CSGALNACT1: variants seen among roughly 807,000 people sequenced by gnomAD.
CSGALNACT1 encodes the protein beta4GalNAcT-1.
CSGALNACT1 carries 52 observed loss-of-function variants against 51.0 expected under a neutral mutation model. That is an observed-to-expected ratio of 1.02 (90% CI 0.82 to 1.29). CSGALNACT1 has a LOEUF of 1.29. CSGALNACT1 is among the 50% of genes most tolerant of loss of function. The pLI is 0.00. For synonymous variants in CSGALNACT1, 341 were observed against 254.4 expected (o/e 1.34, Z -3.24); for missense variants, 935 against 679.2 (o/e 1.38, Z -4.19).
intron 3 of CSGALNACT1, among the ~76,000 whole-genome samples, chr8:19,541,552 A>AGTTTTTTTT (rs1277732721): frequency 1.4e-5 from 1 of 69,298 alleles, no homozygotes; most frequent in East Asian, 3.5e-4. Flanking sequence ...GTGCTCAGCC[A>AGTTTTTTTT]ATTTTTTTTT....
chr8:19,719,645 A>G (rs1011051952), intron 1 of CSGALNACT1, among the ~76,000 whole-genome samples: 7 of 152,184 alleles, frequency 4.6e-5, no homozygotes, highest in South Asian at 4.1e-4. Context: ...CTAGACCTTG[A>G]TCTTCCCCTC....
chr8:19,665,167 C>A (rs943806056), intron 1 of CSGALNACT1, among the ~76,000 whole-genome samples: 2 of 152,142 alleles, frequency 1.3e-5, no homozygotes, highest in Non-Finnish European at 2.9e-5. Flanking sequence ...GCATGTGCCA[C>A]CACGCTTGGC....
chr8:19,524,302 C>G (rs1226586857), intron 3 of CSGALNACT1, among the ~76,000 whole-genome samples: 1 of 152,110 alleles, frequency 6.6e-6, no homozygotes, highest in African/African-American at 2.4e-5. Context: ...AACACTGCCA[C>G]AGATCTAATT....
At chr8:19,668,073 C>CAG (rs765792382) in intron 1 of CSGALNACT1, among the ~76,000 whole-genome samples, 7 of 152,070 alleles carry the variant, frequency 4.6e-5, no homozygotes, top group Non-Finnish European at 8.8e-5. Context: ...TTAACTTTTC[C>CAG]AGAGAGAGAA....
Position 19,591,492 on chromosome 8 carries a change from T to C in CSGALNACT1, c.-415-214A>G, listed in dbSNP as rs1031366340. The stretch of plus-strand genomic sequence containing the variant: ...GGCGTTTATATTCATCCATCTTCAA[T>C]TTATTCAACTGAAGTCCAACCGTGT... On this transcript the variant is annotated intron_variant, in intron 2 of 9. Transcript: ENST00000454498. 2.0e-5 allele frequency among the ~76,000 whole-genome samples: 3 copies of C among 152,242 alleles called. No homozygotes were observed. In the South Asian group the frequency reaches 6.2e-4, roughly 31 times the overall value.
chr8:19,666,783 GAAAGAAAGAAAGAAAGAAAGAAAGAA>G (rs1338297671), intron 1 of CSGALNACT1, among the ~76,000 whole-genome samples: 322 of 14,660 alleles, frequency 0.022, 7 homozygotes, highest in African/African-American at 0.088. Context: ...AAGAAAGAAA[GAAAGAAAGAAAGAAAGAAAGAAAGAA>G]AGAGAGAGAG....
At chr8:19,540,837 T>C (rs2084928893) in intron 3 of CSGALNACT1, among the ~76,000 whole-genome samples, 1 of 152,090 alleles carries the variant, frequency 6.6e-6, no homozygotes, top group Non-Finnish European at 1.5e-5. Flanking sequence ...TCCCCATACA[T>C]CCTTCAGTAT....
chr8:19,434,229 A>T (rs773830878), intron 6 of CSGALNACT1, among the ~76,000 whole-genome samples: 1 of 152,190 alleles, frequency 6.6e-6, no homozygotes, highest in Non-Finnish European at 1.5e-5. Context: ...TTCTTCTTTT[A>T]AACAGTGCAT....
intron 1 of CSGALNACT1, among the ~76,000 whole-genome samples, chr8:19,709,888 C>T (rs538837910): frequency 6.6e-6 from 1 of 152,260 alleles, no homozygotes; most frequent in South Asian, 2.1e-4. Context: ...GAGTGCCTTC[C>T]ACTCCTAAAG....
At chr8:19,497,384 T>G (rs1230178318) in intron 4 of CSGALNACT1, among the ~76,000 whole-genome samples, 1 of 152,072 alleles carries the variant, frequency 6.6e-6, no homozygotes, top group Admixed American at 6.6e-5. Flanking sequence ...CAAAAGGGAT[T>G]TGAAGTCTGT....
intron 4 of CSGALNACT1, among the ~76,000 whole-genome samples, chr8:19,499,330 C>T (rs1029731753): frequency 1.1e-4 from 17 of 152,154 alleles, no homozygotes; most frequent in Admixed American, 2.0e-4. Context: ...ACCACCAGAC[C>T]GCAAAATTCT....
chr8:19,617,025 T>A (rs929091806), intron 1 of CSGALNACT1, among the ~76,000 whole-genome samples: 1 of 152,152 alleles, frequency 6.6e-6, no homozygotes, highest in Non-Finnish European at 1.5e-5. Flanking sequence ...CACCATAATG[T>A]TGAATTATTG....
At chr8:19,582,696 G>C (rs1369839356) in intron 3 of CSGALNACT1, among the ~76,000 whole-genome samples, 1 of 152,100 alleles carries the variant, frequency 6.6e-6, no homozygotes, top group Non-Finnish European at 1.5e-5. Flanking sequence ...AGATGCTACA[G>C]ACTTTTTTTT....
rs867643759 is a variant in CSGALNACT1, at chr8:19,666,793, A to G, written c.-544+15680T>C. 5.6e-3 allele frequency among the ~76,000 whole-genome samples: 199 copies of G among 35,564 alleles called. 2 individuals are homozygous for G. Among genetic ancestry groups the G allele is most frequent in the African/African-American group, 0.013 (72 of 5,454 alleles). The allele number at this position is 35,564 out of a possible 152,430, so 23.3% of individuals were successfully genotyped here. ...AAAGAAAGAAAGAAAGAAAGAAAGA[A>G]AGAAAGAAAGAAAGAAAGAGAGAGA... On this transcript the variant is annotated intron_variant, in intron 1 of 9. Transcript: ENST00000332246.
chr8:19,493,871 TACACACAC>T (rs57708862), intron 4 of CSGALNACT1, among the ~76,000 whole-genome samples: 2,937 of 149,056 alleles, frequency 0.02, 94 homozygotes, highest in African/African-American at 0.067. Flanking sequence ...TGTGTGTTTA[TACACACAC>T]ACACACACAC....
intron 4 of CSGALNACT1, among the ~76,000 whole-genome samples, chr8:19,481,298 C>A (rs978467588): frequency 6.6e-6 from 1 of 152,218 alleles, no homozygotes; most frequent in Admixed American, 6.5e-5. Flanking sequence ...CTGGTTGGCA[C>A]CTTGCTAGTC....
chr8:19,610,580 A>C (rs1407539637), intron 1 of CSGALNACT1, among the ~76,000 whole-genome samples: 1 of 152,160 alleles, frequency 6.6e-6, no homozygotes, highest in Admixed American at 6.5e-5. Flanking sequence ...ACGCACCGGC[A>C]GGCGCCAGCA....
intron 4 of CSGALNACT1, among the ~76,000 whole-genome samples, chr8:19,483,352 G>A (rs73585541): frequency 0.02 from 2,991 of 152,298 alleles, 28 homozygotes; most frequent in Middle Eastern, 0.048. Context: ...CATTATGTCT[G>A]GTTCTCAGTG....
At chr8:19,522,191 G>A (rs190789686) in intron 3 of CSGALNACT1, among the ~76,000 whole-genome samples, 23 of 152,248 alleles carry the variant, frequency 1.5e-4, no homozygotes, top group South Asian at 4.2e-4. Context: ...GGTCAAAACC[G>A]TATTAGTGAG....
Sources: allele counts gnomAD v4.1 joint callset (sites outside exome capture counted in the v4.1 genomes callset), GRCh38; gene constraint gnomAD v4.1.1; transcripts MANE v1.5; gene names NCBI Gene and HGNC (gene_info 2026-07-23, HGNC 2026-07-21).